DHX8: variants seen among roughly 807,000 people sequenced by gnomAD.
DHX8 encodes the protein DEAH-box helicase 8, also known as ATP-dependent RNA helicase DHX8.
DHX8 carries 67 observed loss-of-function variants against 140.7 expected under a neutral mutation model. The observed-to-expected ratio is 0.48, with a 90% confidence interval of 0.39 to 0.58. The LOEUF (loss-of-function observed/expected upper bound fraction) is 0.58, where lower values mean the gene tolerates loss of function less well. Among genes scored for constraint, DHX8 ranks in the 20% least tolerant of loss-of-function variants. The pLI, the probability that DHX8 is intolerant of heterozygous loss-of-function variation, is 0.00. For missense variants in DHX8, 887 were observed against 1,550.7 expected (o/e 0.57, Z 7.19); for synonymous variants, 533 against 553.2 (o/e 0.96, Z 0.51).
In DHX8 at chr17:43,492,744, T is replaced by C. The variant is rs1158561329; in HGVS notation, c.567T>C (p.Asp189=). ...ATCGAAACCGAGATCGAGACAGAGATAGGGAACGAAACCGAGATAGAGACC... is the reference window on the plus strand; with the variant it reads ...ATCGAAACCGAGATCGAGACAGAGACAGGGAACGAAACCGAGATAGAGACC... ...SRDRNRDRDR[D]RERNRDRDHK... Residue 189 remains aspartate, a synonymous_variant, in exon 6 of 23, where the codon GAT becomes GAC. Transcript: ENST00000262415. The C allele has an allele frequency of 1.2e-6, 2 of 1,612,664 alleles. No homozygotes were observed. The highest frequency in any genetic ancestry group is 2.2e-5 in the South Asian group (2 of 90,972).
intron 3 of DHX8, among the ~76,000 whole-genome samples, chr17:43,539,931 G>A (rs1332443839): frequency 2.0e-5 from 3 of 152,172 alleles, no homozygotes; most frequent in Non-Finnish European, 4.4e-5. Flanking sequence ...ATTAGGGAGA[G>A]GGAGTTTAAC....
intron 2 of DHX8, chr17:43,533,461 A>AG: frequency 9.6e-7 from 1 of 1,046,938 alleles, no homozygotes; most frequent in Non-Finnish European, 1.4e-6. Flanking sequence ...GGAAGGATAG[A>AG]GGGGGCTGAG....
chr17:43,487,637 A>T (rs1968245560), intron 1 of DHX8, among the ~76,000 whole-genome samples: 1 of 152,174 alleles, frequency 6.6e-6, no homozygotes, highest in South Asian at 2.1e-4. Context: ...TACAGGCGTG[A>T]GCCACTGTCT....
In DHX8 at chr17:43,524,283, G is replaced by A. The variant is rs1970524019; in HGVS notation, c.*436G>A. On this transcript the variant is annotated 3_prime_UTR_variant, in exon 23 of 23. Coordinates refer to ENST00000262415, the MANE Select transcript of DHX8 (RefSeq NM_004941.3). ...GTCTCCAGCCCCTGTACTTTGGCTTGACCTCGTGGAAATATTTATTTTCTT... is the reference window on the plus strand; with the variant it reads ...GTCTCCAGCCCCTGTACTTTGGCTTAACCTCGTGGAAATATTTATTTTCTT... 9.9e-7 allele frequency: 1 copy of A among 1,006,304 alleles called. No homozygotes were observed. Among genetic ancestry groups the A allele is most frequent in the Non-Finnish European group, 1.2e-6 (1 of 842,988 alleles). 62.3% of individuals were successfully genotyped at this position (1,006,304 alleles called of 1,614,324 possible).
downstream of DHX8, chr17:43,526,061 T>G: frequency 1.0e-6 from 1 of 985,366 alleles, no homozygotes; most frequent in Non-Finnish European, 1.2e-6. Context: ...TATGACAACA[T>G]AGCTGGGTTC....
chr17:43,528,420 A>G (rs1462850305), downstream of DHX8: 73 of 795,838 alleles, frequency 9.2e-5, 2 homozygotes, highest in Admixed American at 1.8e-3. Context: ...TGCCCCAGAG[A>G]CATCTGTGGG....
chr17:43,543,396 G>A (rs1422748065), intron 3 of DHX8, among the ~76,000 whole-genome samples: 2 of 152,030 alleles, frequency 1.3e-5, no homozygotes, highest in Non-Finnish European at 2.9e-5. Flanking sequence ...GTAGAGAGAT[G>A]AGAGCATTTT....
chr17:43,500,058 A>G lies in DHX8; in HGVS notation c.1501A>G (p.Ile501Val). 1.2e-6 allele frequency: 2 copies of G among 1,614,184 alleles called. No individual in the cohort carries two copies. Among genetic ancestry groups the G allele is most frequent in the Non-Finnish European group, 1.7e-6 (2 of 1,180,020 alleles). ...QAQREAEMDS[I>V]PMGLNKHWVD... ...CCAGCGGGAAGCTGAGATGGATTCT[A>G]TTCCCATGGGACTCAACAAACACTG... Residue 501 changes from isoleucine to valine, a missense_variant, in exon 11 of 23, where the codon ATT becomes GTT. Around this residue, in one of 9 missense-constraint regions of DHX8, gnomAD observed 178 missense variants for 398.5 expected, o/e 0.45. Coordinates refer to ENST00000262415, the MANE Select transcript of DHX8 (RefSeq NM_004941.3).
chr17:43,484,979 C>A (rs1409170530), intron 1 of DHX8, among the ~76,000 whole-genome samples: 1 of 152,126 alleles, frequency 6.6e-6, no homozygotes, highest in African/African-American at 2.4e-5. Flanking sequence ...TGTTTTGGGG[C>A]AAACTACATC....
intron 1 of DHX8, among the ~76,000 whole-genome samples, chr17:43,486,005 T>TG (rs1294763154): frequency 2.6e-5 from 4 of 152,060 alleles, no homozygotes; most frequent in African/African-American, 9.7e-5. Flanking sequence ...GAGACCAGCC[T>TG]GGCCAACATG....
chr17:43,542,193 T>A (rs1357491990), intron 3 of DHX8, among the ~76,000 whole-genome samples: 2 of 152,236 alleles, frequency 1.3e-5, no homozygotes, highest in Non-Finnish European at 2.9e-5. Context: ...GAGAATCTGA[T>A]AAAAGCTATG....
At position 43,504,737 on chromosome 17, in the gene DHX8, A is replaced by T. The variant is rs1356293050; in HGVS notation, c.1640A>T (p.Lys547Ile). The T allele has an allele frequency of 6.2e-7, 1 of 1,614,196 alleles. No individual in the cohort carries two copies. The highest frequency in any genetic ancestry group is 8.5e-7 in the Non-Finnish European group (1 of 1,180,034). ...EWKKHAFGGNKASYGKKTQMS... is the reference protein window; with the variant it reads ...EWKKHAFGGNIASYGKKTQMS... ...AAGAAGCATGCCTTTGGGGGCAACA[A>T]AGCCTCTTACGGAAAAAAGACCCAG... Residue 547 changes from lysine (K) to isoleucine (I), a missense_variant, in exon 12 of 23, where the codon AAA becomes ATA. By Grantham distance (102) the Lys-to-Ile change is moderately radical (BLOSUM62 -3). Coordinates refer to ENST00000262415, the MANE Select transcript of DHX8 (RefSeq NM_004941.3).
In DHX8 at chr17:43,523,808, C is replaced by G. The variant is rs1159288961; in HGVS notation, c.3624C>G (p.Pro1208=). 3.7e-6 allele frequency: 6 copies of G among 1,614,054 alleles called. No individual in the cohort carries two copies. Among genetic ancestry groups the G allele is most frequent in the Non-Finnish European group, 4.2e-6 (5 of 1,180,044 alleles). ...CCTTGTACAACCGCTATGAGGAACC[C>G]AATGCCTGGAGAATATCTCGAGCTT... ...LEPLYNRYEE[P]NAWRISRAFR... is the part of the protein sequence containing the mutation. Residue 1208 remains proline, a synonymous_variant, in exon 23 of 23, where the codon CCC becomes CCG. Coordinates refer to ENST00000262415, the MANE Select transcript of DHX8 (RefSeq NM_004941.3).
At chr17:43,530,646 G>A (rs922080964), downstream of DHX8, among the ~76,000 whole-genome samples, 3 of 152,044 alleles carry the variant, frequency 2.0e-5, no homozygotes, top group African/African-American at 4.8e-5. Flanking sequence ...GACAGAAACA[G>A]AGCGTGCGCC....
intron 20 of DHX8, 83 bp from the exon 21 acceptor site, chr17:43,521,286 T>A (rs1056175547): frequency 8.4e-7 from 1 of 1,191,068 alleles, no homozygotes; most frequent in Non-Finnish European, 1.2e-6. Context: ...TTTGATAGGG[T>A]CTTGTAGGGC....
downstream of DHX8, chr17:43,528,429 G>A (rs1034900105): frequency 1.1e-6 from 1 of 871,384 alleles, no homozygotes; most frequent in African/African-American, 1.7e-5. Context: ...GACATCTGTG[G>A]GTTTCAGATG....
chr17:43,533,071 T>C lies in DHX8; in HGVS notation c.351-3341T>C, dbSNP rs923394069. On this transcript the variant is annotated intron_variant, in intron 2 of 3. Coordinates refer to the DHX8 transcript ENST00000589898. ...GGGTTGGGGTGTCAGTATTTCTCCC[T>C]TTCTATTCCACTGCCCCCTGCCTCT... 7 of 1,502,274 alleles carry C rather than the reference T, an allele frequency of 4.7e-6. No homozygotes were observed. The African/African-American group carries it at 5.6e-5, about 12-fold the overall frequency. The allele number at this position is 1,502,274 out of a possible 1,614,324, so 93.1% of individuals were successfully genotyped here.
At chr17:43,492,605 T>C in intron 5 of DHX8, 76 bp from the exon 6 acceptor site, 2 of 851,292 alleles carry the variant, frequency 2.3e-6, no homozygotes, top group South Asian at 1.5e-5. Context: ...TGCATGGCAC[T>C]GTACTGGGTG....
At chr17:43,522,011 C>T in intron 21 of DHX8, 36 bp from the exon 22 acceptor site, 2 of 1,604,632 alleles carry the variant, frequency 1.2e-6, no homozygotes, top group Non-Finnish European at 1.7e-6. Flanking sequence ...CCTGTGAAAG[C>T]TGAGTGGGCT....
Sources: allele counts gnomAD v4.1 joint callset (sites outside exome capture counted in the v4.1 genomes callset), GRCh38; gene constraint gnomAD v4.1.1; regional missense constraint gnomAD v4.1.1; transcripts MANE v1.5; gene names NCBI Gene and HGNC (gene_info 2026-07-23, HGNC 2026-07-21).